SLC7A14: variants seen among roughly 807,000 people sequenced by gnomAD.
SLC7A14 encodes solute carrier family 7 member 14, also known as gamma-aminobutyric acid transporter SLC7A14.
In SLC7A14, 37 loss-of-function variants were observed where a neutral mutation model predicts 60.2. The ratio of observed to expected loss-of-function variants is 0.61; its 90% CI spans 0.47 to 0.81. The LOEUF (loss-of-function observed/expected upper bound fraction) is 0.81. SLC7A14 is among the 30% of genes least tolerant of loss of function. The probability of loss-of-function intolerance (pLI) is 0.00; values close to 1 mark genes in which losing one functional copy is unlikely to be tolerated. For synonymous variants in SLC7A14, 399 were observed against 395.8 expected (o/e 1.01, Z -0.10); for missense variants, 886 against 982.7 (o/e 0.90, Z 1.32).
intron 1 of SLC7A14, among the ~76,000 whole-genome samples, chr3:170,546,962 A>G (rs1004871798): frequency 5.3e-5 from 8 of 152,332 alleles, no homozygotes; most frequent in Middle Eastern, 6.8e-3. Context: ...TTTAAAAATA[A>G]TAATGTCCAG....
chr3:170,498,467 A>G (rs1712481458), intron 4 of SLC7A14, among the ~76,000 whole-genome samples, 200 bp downstream of exon 4: 1 of 152,210 alleles, frequency 6.6e-6, no homozygotes, highest in Non-Finnish European at 1.5e-5. Context: ...GATCTTAACA[A>G]ATGCCTGTGG....
intron 1 of SLC7A14, among the ~76,000 whole-genome samples, chr3:170,572,013 A>G (rs916585919): frequency 5.4e-5 from 8 of 148,368 alleles, no homozygotes; most frequent in African/African-American, 1.2e-4. Context: ...GAGAGCCAAG[A>G]CTGTGCCACT....
chr3:170,573,684 G>A lies in SLC7A14; in HGVS notation c.-153+12227C>T, dbSNP rs187215710. Among the ~76,000 whole-genome samples, 497 of 152,286 alleles carry A rather than the reference G, an allele frequency of 3.3e-3. 10 individuals carry two copies. Among genetic ancestry groups the A allele is most frequent in the Non-Finnish European group, 4.0e-4 (27 of 68,030 alleles). On this transcript the variant is annotated intron_variant, in intron 1 of 7. Transcript: ENST00000231706. ...TAATTTGCCAGTTTCTTCACCACTA[G>A]CGAAACAGAGAGAACAAGACCCTGT...
intron 4 of SLC7A14, chr3:170,496,431 C>T (rs1712396464): frequency 1.6e-6 from 2 of 1,275,818 alleles, no homozygotes; most frequent in Admixed American, 1.7e-5. Flanking sequence ...CCTGGAGGCC[C>T]CCATCGCAGA....
At chr3:170,498,634 G>A (rs772159970) in intron 4 of SLC7A14, 33 bp downstream of exon 4, 15 of 1,604,786 alleles carry the variant, frequency 9.3e-6, no homozygotes, top group South Asian at 2.2e-5. Flanking sequence ...CAGAGTGTGT[G>A]ACAGGCACAC....
intron 4 of SLC7A14, among the ~76,000 whole-genome samples, chr3:170,497,432 TGGTTCG>T (rs1712441727): frequency 7.4e-6 from 1 of 135,410 alleles, no homozygotes; most frequent in Non-Finnish European, 1.5e-5. Flanking sequence ...CGGCATGGCG[TGGTTCG>T]GAATAAACAA....
chr3:170,519,289 C>A (rs1713269188), intron 2 of SLC7A14, among the ~76,000 whole-genome samples: 1 of 152,120 alleles, frequency 6.6e-6, no homozygotes, highest in African/African-American at 2.4e-5. Flanking sequence ...GTTTTGCATG[C>A]CTTATAGATG....
chr3:170,529,322 T>G (rs566838765), intron 1 of SLC7A14, among the ~76,000 whole-genome samples: 1 of 152,264 alleles, frequency 6.6e-6, no homozygotes, highest in Non-Finnish European at 1.5e-5. Flanking sequence ...TTTCTTGTTT[T>G]GCTTAACAAT....
At chr3:170,577,927 G>C (rs989599271) in intron 1 of SLC7A14, among the ~76,000 whole-genome samples, 12 of 152,146 alleles carry the variant, frequency 7.9e-5, no homozygotes, top group African/African-American at 2.9e-4. Flanking sequence ...AGAAGAAAAC[G>C]ATTTTCACAA....
chr3:170,487,470 T>C (rs1019078453), intron 4 of SLC7A14, among the ~76,000 whole-genome samples: 2 of 151,994 alleles, frequency 1.3e-5, no homozygotes, highest in African/African-American at 4.8e-5. Context: ...GTGAGACCCA[T>C]TGCAGACTGG....
chr3:170,531,603 A>G (rs1206725218), intron 1 of SLC7A14, among the ~76,000 whole-genome samples: 4 of 152,176 alleles, frequency 2.6e-5, no homozygotes. Flanking sequence ...TTGGTAGGAA[A>G]TGTACTGGAG....
intron 1 of SLC7A14, among the ~76,000 whole-genome samples, chr3:170,544,126 TA>T (rs1714101614): frequency 6.6e-6 from 1 of 152,096 alleles, no homozygotes; most frequent in Admixed American, 6.6e-5. Context: ...TGAGCGTGCT[TA>T]ATTTGTATTG....
chr3:170,536,667 T>C (rs76775377), intron 1 of SLC7A14, among the ~76,000 whole-genome samples: 23,707 of 152,188 alleles, frequency 0.16, 1,822 homozygotes, highest in Admixed American at 0.19. Context: ...GGACAAGCTA[T>C]GGGTGAGACT....
chr3:170,468,304 C>CT (rs1179861984), intron 7 of SLC7A14, among the ~76,000 whole-genome samples: 156 of 146,794 alleles, frequency 1.1e-3, no homozygotes, highest in South Asian at 1.7e-3. Flanking sequence ...TTTTTCTTTT[C>CT]TTTTTTTTTT....
At chr3:170,510,858 G>T (rs1712958389) in intron 2 of SLC7A14, among the ~76,000 whole-genome samples, 1 of 152,228 alleles carries the variant, frequency 6.6e-6, no homozygotes, top group South Asian at 2.1e-4. Context: ...AAAGGTGAAG[G>T]CGCATGTTTT....
chr3:170,481,579 T>C lies in SLC7A14; in HGVS notation c.1116-413A>G, dbSNP rs190335416. ...ACTACACCCGGCTAATTTTTGTATT[T>C]TTAGTAGAGACAGAGTTTCACCATG... On this transcript the variant is annotated intron_variant, in intron 6 of 7. Coordinates refer to ENST00000231706, the MANE Select transcript of SLC7A14 (RefSeq NM_020949.3). Among the ~76,000 whole-genome samples the C allele has an allele frequency of 7.3e-4, 111 of 152,138 alleles. 1 individual carries two copies. The highest frequency in any genetic ancestry group is 2.3e-3 in the African/African-American group (95 of 41,514).
chr3:170,517,334 C>T (rs1485656301), intron 2 of SLC7A14, among the ~76,000 whole-genome samples: 1 of 152,148 alleles, frequency 6.6e-6, no homozygotes, highest in African/African-American at 2.4e-5. Flanking sequence ...TGCATTTGTT[C>T]ATCTTTGCAT....
At position 170,465,415 on chromosome 3, in the gene SLC7A14, C is replaced by A. The variant is rs1739694355; in HGVS notation, c.*1640G>T. 1.3e-5 allele frequency: 2 copies of A among 152,250 alleles called. No individual in the cohort carries two copies. The highest frequency in any genetic ancestry group is 6.5e-5 in the Admixed American group (1 of 15,288). The allele number at this position is 152,250 out of a possible 1,614,324, so 9.4% of individuals were successfully genotyped here. On this transcript the variant is annotated 3_prime_UTR_variant, in exon 8 of 8. Coordinates refer to ENST00000231706, the MANE Select transcript of SLC7A14 (RefSeq NM_020949.3). ...GCCATGCTTCTATTCATTCCTGTCA[C>A]TTAGCATTGGGTCTATTCTCAACCA...
At chr3:170,530,651 C>T (rs544866518) in intron 1 of SLC7A14, among the ~76,000 whole-genome samples, 12 of 152,178 alleles carry the variant, frequency 7.9e-5, no homozygotes, top group South Asian at 6.2e-4. Flanking sequence ...ATTGTAGCTG[C>T]GGCAGAATCT....
Sources: gnomAD v4.1 joint callset for allele counts (sites outside exome capture counted in the v4.1 genomes callset) on GRCh38, gnomAD v4.1.1 for gene constraint, MANE v1.5 for transcripts, NCBI Gene and HGNC (gene_info 2026-07-23, HGNC 2026-07-21) for gene names.